The following ZCWPW2 variants were observed in gnomAD, a reference collection of about 807,000 sequenced individuals.
ZCWPW2 encodes the protein zinc finger CW-type and PWWP domain containing 2.
Under a neutral mutation model 46.6 loss-of-function variants are expected in ZCWPW2, and 45 were observed. That is an observed-to-expected ratio of 0.96 (90% CI 0.76 to 1.24). The LOEUF (loss-of-function observed/expected upper bound fraction) is 1.24, where lower values mean the gene tolerates loss of function less well. ZCWPW2 is among the 50% of genes most tolerant of loss of function. ZCWPW2 has a pLI of 0.00. For synonymous variants in ZCWPW2, 152 were observed against 137.1 expected (o/e 1.11, Z -0.76); for missense variants, 429 against 403.9 (o/e 1.06, Z -0.53).
chr3:28,479,658 G>A (rs1290855343), intron 5 of ZCWPW2, among the ~76,000 whole-genome samples: 1 of 152,084 alleles, frequency 6.6e-6, no homozygotes, highest in Non-Finnish European at 1.5e-5. Flanking sequence ...TATTTTTCCT[G>A]ATCCTTTTCC....
At chr3:28,518,657 A>G (rs1163529018) in intron 8 of ZCWPW2, among the ~76,000 whole-genome samples, 1 of 152,174 alleles carries the variant, frequency 6.6e-6, no homozygotes, top group Non-Finnish European at 1.5e-5. Context: ...TTTCGCAATG[A>G]TATTTATTAT....
chr3:28,377,692 A>T (rs767747079), intron 1 of ZCWPW2, among the ~76,000 whole-genome samples: 1 of 152,050 alleles, frequency 6.6e-6, no homozygotes, highest in Non-Finnish European at 1.5e-5. Context: ...CTATCCATAT[A>T]ATTTTTTATT....
At chr3:28,352,163 C>G (rs1044612955) in intron 1 of ZCWPW2, among the ~76,000 whole-genome samples, 90 of 147,768 alleles carry the variant, frequency 6.1e-4, no homozygotes, top group African/African-American at 2.1e-3. Flanking sequence ...CACACACACA[C>G]ACACGAGAGA....
At chr3:28,352,698 G>A (rs1269004878) in intron 1 of ZCWPW2, among the ~76,000 whole-genome samples, 2 of 152,102 alleles carry the variant, frequency 1.3e-5, no homozygotes, top group Non-Finnish European at 2.9e-5. Flanking sequence ...AATGATTATT[G>A]CTATAACCAG....
At chr3:28,501,818 G>A (rs1434077178) in intron 6 of ZCWPW2, among the ~76,000 whole-genome samples, 3 of 151,994 alleles carry the variant, frequency 2.0e-5, no homozygotes, top group Admixed American at 2.0e-4. Flanking sequence ...GCGTGAACAC[G>A]GATCACTGAA....
chr3:28,507,184 A>G (rs201847428), intron 6 of ZCWPW2, among the ~76,000 whole-genome samples: 1 of 152,188 alleles, frequency 6.6e-6, no homozygotes, highest in East Asian at 1.9e-4. Flanking sequence ...GGCAGAGAGC[A>G]TTTTGGTAAA....
At chr3:28,433,325 G>A (rs560518758) in intron 3 of ZCWPW2, among the ~76,000 whole-genome samples, 21 of 151,996 alleles carry the variant, frequency 1.4e-4, no homozygotes, top group African/African-American at 2.2e-4. Flanking sequence ...TACTGATCCC[G>A]CTTCTGAGCC....
At chr3:28,393,618 T>C (rs889589319) in intron 2 of ZCWPW2, among the ~76,000 whole-genome samples, 1 of 152,158 alleles carries the variant, frequency 6.6e-6, no homozygotes, top group African/African-American at 2.4e-5. Flanking sequence ...ATCTTTGGGA[T>C]GCAAAGATGG....
At chr3:28,457,550 T>C (rs2125785325) in intron 4 of ZCWPW2, among the ~76,000 whole-genome samples, 1 of 152,330 alleles carries the variant, frequency 6.6e-6, no homozygotes, top group African/African-American at 2.4e-5. Flanking sequence ...TTTAAACCTG[T>C]ACACTTCTTG....
intron 1 of ZCWPW2, among the ~76,000 whole-genome samples, chr3:28,355,634 A>G (rs567737132): frequency 1.9e-4 from 29 of 152,246 alleles, no homozygotes; most frequent in Non-Finnish European, 3.7e-4. Context: ...ATAGCATGGT[A>G]CTGGTACCAA....
chr3:28,364,118 C>T (rs190156368), intron 1 of ZCWPW2, among the ~76,000 whole-genome samples: 1 of 152,170 alleles, frequency 6.6e-6, no homozygotes, highest in African/African-American at 2.4e-5. Flanking sequence ...ATGAAAAAGA[C>T]TGATAGTATC....
intron 9 of ZCWPW2, among the ~76,000 whole-genome samples, chr3:28,522,813 A>C (rs2125840570): frequency 6.6e-6 from 1 of 152,318 alleles, no homozygotes; most frequent in Middle Eastern, 3.4e-3. Context: ...TTGCAGAACA[A>C]GACCTGCAGA....
chr3:28,397,433 G>T (rs1354071089), intron 2 of ZCWPW2, among the ~76,000 whole-genome samples: 1 of 152,168 alleles, frequency 6.6e-6, no homozygotes, highest in African/African-American at 2.4e-5. Flanking sequence ...TCTTTGGGAG[G>T]CCAAGGCAGG....
chr3:28,479,475 C>A (rs565239678), intron 5 of ZCWPW2, among the ~76,000 whole-genome samples: 4 of 152,096 alleles, frequency 2.6e-5, no homozygotes, highest in Non-Finnish European at 4.4e-5. Flanking sequence ...ATATAGTTAG[C>A]TTTTTAAGTG....
chr3:28,460,064 G>C (rs543224559), intron 4 of ZCWPW2, among the ~76,000 whole-genome samples: 2 of 152,050 alleles, frequency 1.3e-5, no homozygotes, highest in Non-Finnish European at 2.9e-5. Context: ...GGAGTACCCA[G>C]TTAGGAATTT....
chr3:28,488,527 C>A (rs1224774649), intron 5 of ZCWPW2, among the ~76,000 whole-genome samples: 1 of 152,028 alleles, frequency 6.6e-6, no homozygotes, highest in Non-Finnish European at 1.5e-5. Context: ...CATGAATACA[C>A]AAGGTTTAAA....
chr3:28,404,702 A>G (rs1696086177), intron 2 of ZCWPW2, among the ~76,000 whole-genome samples: 1 of 152,238 alleles, frequency 6.6e-6, no homozygotes, highest in African/African-American at 2.4e-5. Context: ...CTTAGCCATT[A>G]AAAAGAATGA....
chr3:28,485,968 T>TTA (rs2125811153), intron 5 of ZCWPW2, among the ~76,000 whole-genome samples: 1 of 152,230 alleles, frequency 6.6e-6, no homozygotes, highest in Non-Finnish European at 1.5e-5. Context: ...TTTTAAAACT[T>TTA]TTTAAAGTGG....
intron 2 of ZCWPW2, among the ~76,000 whole-genome samples, chr3:28,393,556 C>A (rs552142060): frequency 6.4e-4 from 97 of 152,008 alleles, no homozygotes; most frequent in South Asian, 8.3e-4. Flanking sequence ...TGCCATGAAA[C>A]CAAATTAAAC....
Sources: gnomAD v4.1 joint callset for allele counts (sites outside exome capture counted in the v4.1 genomes callset) on GRCh38, gnomAD v4.1.1 for gene constraint, MANE v1.5 for transcripts, NCBI Gene and HGNC (gene_info 2026-07-23, HGNC 2026-07-21) for gene names.